The following MYBPC1 variants were observed in gnomAD, a reference collection of about 807,000 sequenced individuals.
The protein encoded by MYBPC1 is myosin-binding protein C, slow-type.
Under a neutral mutation model 147.1 loss-of-function variants are expected in MYBPC1, and 52 were observed. The ratio of observed to expected loss-of-function variants is 0.35; its 90% CI spans 0.28 to 0.45. The LOEUF is 0.45. Among genes scored for constraint, MYBPC1 ranks in the 20% least tolerant of loss-of-function variants. MYBPC1 has a pLI of 1.00. For synonymous variants in MYBPC1, 477 were observed against 475.9 expected (o/e 1.00, Z -0.03); for missense variants, 1,228 against 1,440.3 (o/e 0.85, Z 2.39).
At chr12:101,617,551 C>T (rs1487500206) in intron 3 of MYBPC1, among the ~76,000 whole-genome samples, 1 of 151,990 alleles carries the variant, frequency 6.6e-6, no homozygotes, top group Non-Finnish European at 1.5e-5. Flanking sequence ...GTTTGGTCTT[C>T]TTAGGATTAT....
the MYBPC1 span, among the ~76,000 whole-genome samples, chr12:101,695,731 G>A: frequency 2.0e-5 from 3 of 152,196 alleles, no homozygotes; most frequent in African/African-American, 7.2e-5. Context: ...GGAGCAGAGA[G>A]ACAGAAAAGC....
At chr12:101,619,486 C>T (rs1162228729) in intron 3 of MYBPC1, among the ~76,000 whole-genome samples, 1 of 152,202 alleles carries the variant, frequency 6.6e-6, no homozygotes, top group African/African-American at 2.4e-5. Context: ...TAGCAATCAT[C>T]TAATGAATAC....
intron 1 of MYBPC1, among the ~76,000 whole-genome samples, chr12:101,595,468 T>C (rs1408339844): frequency 6.6e-6 from 1 of 152,214 alleles, no homozygotes; most frequent in Non-Finnish European, 1.5e-5. Context: ...ATTTGCAATT[T>C]GCAGAGAGTA....
chr12:101,661,607 G>A (rs531431106), intron 20 of MYBPC1, among the ~76,000 whole-genome samples: 1 of 152,188 alleles, frequency 6.6e-6, no homozygotes, highest in South Asian at 2.1e-4. Flanking sequence ...TAAATAATTA[G>A]GCTGAGCATT....
chr12:101,621,185 C>A (rs145048312), intron 3 of MYBPC1, among the ~76,000 whole-genome samples: 1 of 152,186 alleles, frequency 6.6e-6, no homozygotes, highest in African/African-American at 2.4e-5. Flanking sequence ...AATCAGCCAT[C>A]TACTAAAATT....
At position 101,661,317 on chromosome 12, in the gene MYBPC1, C is replaced by T. The variant is rs11110942; in HGVS notation, c.2032+55C>T. On this transcript the variant is annotated intron_variant, in intron 20 of 31. Coordinates refer to ENST00000361466, the MANE Select transcript of MYBPC1 (RefSeq NM_002465.4). ...TGCCAGTACAGTTGTGTCCTCTTTACGCATCTTAGTACAGAGCACATTTTA... is the reference window on the plus strand; with the variant it reads ...TGCCAGTACAGTTGTGTCCTCTTTATGCATCTTAGTACAGAGCACATTTTA... The T allele has an allele frequency of 2.1e-5, 24 of 1,133,084 alleles. No homozygotes were observed. In the Middle Eastern group the frequency reaches 7.8e-4, roughly 37 times the overall value. The allele number at this position is 1,133,084 out of a possible 1,614,324, so 70.2% of individuals were successfully genotyped here.
Position 101,629,553 on chromosome 12 carries a change from C to T in MYBPC1, c.289+9C>T. The T allele has an allele frequency of 6.3e-7, 1 of 1,580,808 alleles. No individual in the cohort carries two copies. The highest frequency in any genetic ancestry group is 2.2e-5 in the East Asian group (1 of 44,710). On this transcript the variant is annotated intron_variant, in intron 6 of 31. Transcript: ENST00000361466. ...AGGAACAGTGAAAGTTGGTGAGTGC[C>T]TAGCATTCAATCCTTCCTTTTTTAA...
At chr12:101,649,679 C>A (rs941544550) in intron 15 of MYBPC1, among the ~76,000 whole-genome samples, 4 of 152,084 alleles carry the variant, frequency 2.6e-5, no homozygotes, top group African/African-American at 9.7e-5. Context: ...AGTTATAATT[C>A]CAAGACCGTA....
At chr12:101,659,093 G>T (rs567723169) in intron 18 of MYBPC1, among the ~76,000 whole-genome samples, 4 of 152,104 alleles carry the variant, frequency 2.6e-5, no homozygotes, top group African/African-American at 9.7e-5. Context: ...GCTCAACCTC[G>T]CTCTGTCTTT....
chr12:101,597,773 T>C (rs1427689061), intron 1 of MYBPC1, among the ~76,000 whole-genome samples: 1 of 152,196 alleles, frequency 6.6e-6, no homozygotes. Flanking sequence ...AACTATGTTA[T>C]TTGTACTGTC....
At position 101,649,244 on chromosome 12, in the gene MYBPC1, T is replaced by G; in HGVS notation, c.1197-16T>G. The G allele has an allele frequency of 6.2e-7, 1 of 1,607,888 alleles. No homozygotes were observed. Among genetic ancestry groups the G allele is most frequent in the East Asian group, 2.2e-5 (1 of 44,792 alleles). On this transcript the variant is annotated splice_polypyrimidine_tract_variant and intron_variant, in intron 14 of 31. Transcript: ENST00000361466. ...GGATCTTTTACAAACCTTTTTAATA[T>G]TTTATCTTAATTCAGGTTTAAGAAT...
In MYBPC1 at chr12:101,646,029, C is replaced by G. The variant is rs913701616; in HGVS notation, c.966-734C>G. Among the ~76,000 whole-genome samples, 12 of 152,262 alleles carry G rather than the reference C, an allele frequency of 7.9e-5. No homozygotes were observed. In the East Asian group the frequency reaches 2.3e-3, roughly 29 times the overall value. ...CCACTGGGATAGGTAATGAATAGAT[C>G]TTATTCATACATCAATGGATAAGAT... On this transcript the variant is annotated intron_variant, in intron 12 of 31. Transcript: ENST00000361466.
At chr12:101,690,305 G>C (rs1951395416), downstream of MYBPC1, among the ~76,000 whole-genome samples, 1 of 152,214 alleles carries the variant, frequency 6.6e-6, no homozygotes, top group Non-Finnish European at 1.5e-5. Flanking sequence ...GACTCTCTCT[G>C]TCTTGTTCCT....
Position 101,631,619 on chromosome 12 carries a change from G to A in MYBPC1, c.338G>A (p.Arg113Lys). 1.1e-5 allele frequency: 17 copies of A among 1,614,124 alleles called. No homozygotes were observed. Among genetic ancestry groups the A allele is most frequent in the Non-Finnish European group, 1.4e-5 (16 of 1,180,016 alleles). ...AAAGTCAAGGCTGAAGATCTTCTGA[G>A]AAAACCCACTATCAAATGGTTCAAA... ...IAKVKAEDLL[R>K]KPTIKWFKGK... is the part of the protein sequence containing the mutation. Residue 113 changes from arginine to lysine, a missense_variant, in exon 7 of 32, where the codon AGA becomes AAA. Coordinates refer to ENST00000361466, the MANE Select transcript of MYBPC1 (RefSeq NM_002465.4).
intron 17 of MYBPC1, 135 bp downstream of exon 17, chr12:101,652,919 A>G (rs777222854): frequency 5.1e-5 from 54 of 1,063,784 alleles, no homozygotes; most frequent in Non-Finnish European, 7.5e-5. Context: ...CACCAATCAG[A>G]AAGATTGGTG....
intron 10 of MYBPC1, 42 bp downstream of exon 10, chr12:101,636,770 T>A (rs1891070038): frequency 1.3e-6 from 2 of 1,528,700 alleles, no homozygotes; most frequent in Non-Finnish European, 9.1e-7. Flanking sequence ...GGCCTGGAAG[T>A]CTTTCAGACA....
At chr12:101,666,303 C>G (rs1897399709) in intron 22 of MYBPC1, 2 of 205,974 alleles carry the variant, frequency 9.7e-6, no homozygotes, top group African/African-American at 4.6e-5. Flanking sequence ...ACCGTGTTCC[C>G]TGGGGACCCA....
chr12:101,617,359 C>T (rs187431113), intron 3 of MYBPC1, 116 bp downstream of exon 3: 14 of 1,099,220 alleles, frequency 1.3e-5, no homozygotes, highest in Admixed American at 9.9e-5. Context: ...TTTCGTTCTG[C>T]CTTTGCATCT....
At chr12:101,653,023 A>G (rs893670992) in intron 17 of MYBPC1, 92 bp from the exon 18 acceptor site, 2 of 1,484,792 alleles carry the variant, frequency 1.3e-6, no homozygotes, top group Middle Eastern at 1.8e-4. Flanking sequence ...TAGATAAAAT[A>G]TTGGTTACTA....
Sources: gnomAD v4.1 joint callset for allele counts (sites outside exome capture counted in the v4.1 genomes callset) on GRCh38, gnomAD v4.1.1 for gene constraint, MANE v1.5 for transcripts, NCBI Gene and HGNC (gene_info 2026-07-23, HGNC 2026-07-21) for gene names.